MTMR8: variants seen among roughly 807,000 people sequenced by gnomAD.
MTMR8 encodes the protein myotubularin related protein 8.
In MTMR8, 65 loss-of-function variants were observed where a neutral mutation model predicts 39.3. That is an observed-to-expected ratio of 1.65 (90% CI 1.35 to 2.03). MTMR8 has a LOEUF of 2.03. MTMR8 is among the 30% of genes most tolerant of loss of function. The probability of loss-of-function intolerance (pLI) is 0.00; values close to 1 mark genes in which losing one functional copy is unlikely to be tolerated. For synonymous variants in MTMR8, 245 were observed against 185.2 expected (o/e 1.32, Z -2.62); for missense variants, 777 against 538.9 (o/e 1.44, Z -4.37).
chrX:64,304,174 C>A (rs922497531), intron 12 of MTMR8, among the ~76,000 whole-genome samples: 1 of 111,934 alleles, frequency 8.9e-6, no homozygotes, highest in Non-Finnish European at 1.9e-5. Context: ...TAAAAACTTA[C>A]AGGGGCGGGG....
chrX:64,268,885 G>A lies in MTMR8; in HGVS notation c.1767C>T (p.Ser589=), dbSNP rs1314357887. The A allele has an allele frequency of 3.3e-6, 4 of 1,211,608 alleles. No homozygotes were observed. Among genetic ancestry groups the A allele is most frequent in the Non-Finnish European group, 4.5e-6 (4 of 895,453 alleles). ...LNTLMENGTL[S]REGGLRAQMD... ...TCTGAGCTCGGAGGCCTCCTTCCCT[G>A]GATAGGGTGCCATTCTCCATCAGGG... is the stretch of plus-strand genomic sequence containing the variant. The change falls in exon 14 of 14, where the codon TCC becomes TCT. Residue 589 remains serine, a synonymous_variant. Transcript: ENST00000374852.
chrX:64,384,810 G>T (rs1389229684), intron 1 of MTMR8, among the ~76,000 whole-genome samples: 2 of 112,516 alleles, frequency 1.8e-5, no homozygotes, highest in African/African-American at 6.4e-5. Context: ...CTGCCATTAA[G>T]GTCTCTGAAA....
At chrX:64,368,151 G>A (rs1924028400) in intron 1 of MTMR8, among the ~76,000 whole-genome samples, 1 of 111,402 alleles carries the variant, frequency 9.0e-6, no homozygotes, top group Non-Finnish European at 1.9e-5. Flanking sequence ...TGGGTAGGAA[G>A]AATCAATATC....
Position 64,320,826 on chromosome X carries a change from G to A in MTMR8, c.1481+7946C>T, listed in dbSNP as rs1276230198. Among the ~76,000 whole-genome samples the A allele has an allele frequency of 2.9e-4, 32 of 111,419 alleles. No individual in the cohort carries two copies. The Admixed American group carries it at 3.0e-3, about 10-fold the overall frequency. On this transcript the variant is annotated intron_variant, in intron 12 of 13. Transcript: ENST00000374852. Reference sequence around the variant, plus strand: ...TTAAGCTCTACAGAAGCAGGACATGGCTAAAATATAAGTGGCCCAGCTAAG... The same window carrying A: ...TTAAGCTCTACAGAAGCAGGACATGACTAAAATATAAGTGGCCCAGCTAAG...
chrX:64,281,479 G>C (rs1034890684), intron 12 of MTMR8, among the ~76,000 whole-genome samples: 1 of 111,750 alleles, frequency 8.9e-6, no homozygotes, highest in African/African-American at 3.3e-5. Context: ...AAAAGGTGCT[G>C]GGAAAACTGG....
intron 12 of MTMR8, among the ~76,000 whole-genome samples, chrX:64,326,392 T>A (rs1212773721): frequency 8.9e-6 from 1 of 112,002 alleles, no homozygotes; most frequent in African/African-American, 3.2e-5. Context: ...AGTATTTTTA[T>A]ACATCAATAG....
intron 1 of MTMR8, among the ~76,000 whole-genome samples, chrX:64,382,928 G>C (rs1924467956): frequency 1.8e-5 from 2 of 111,198 alleles, no homozygotes; most frequent in South Asian, 7.6e-4. Context: ...TTCCCCAGGT[G>C]ATTCTAGTAT....
At chrX:64,390,476 G>T (rs954656124) in intron 1 of MTMR8, among the ~76,000 whole-genome samples, 3 of 111,606 alleles carry the variant, frequency 2.7e-5, no homozygotes, top group African/African-American at 9.8e-5. Flanking sequence ...ACAATTAAAA[G>T]ACAATGCTAC....
At chrX:64,365,710 C>A (rs1198117507) in intron 1 of MTMR8, among the ~76,000 whole-genome samples, 1 of 111,479 alleles carries the variant, frequency 9.0e-6, no homozygotes, top group East Asian at 2.8e-4. Flanking sequence ...AACTACCAAG[C>A]AAAATGACCA....
At chrX:64,273,287 A>G (rs1216154697) in intron 12 of MTMR8, among the ~76,000 whole-genome samples, 10 of 111,254 alleles carry the variant, frequency 9.0e-5, no homozygotes, top group Non-Finnish European at 1.7e-4. Context: ...AAACTTTGAC[A>G]TGAATAACAT....
intron 1 of MTMR8, among the ~76,000 whole-genome samples, chrX:64,390,742 C>A (rs1447559773): frequency 9.0e-6 from 1 of 111,133 alleles, no homozygotes; most frequent in Non-Finnish European, 1.9e-5. Context: ...GCCTCGACCT[C>A]CCAGATTCAA....
chrX:64,298,289 G>T (rs1921701666), intron 12 of MTMR8, among the ~76,000 whole-genome samples: 1 of 102,658 alleles, frequency 9.7e-6, no homozygotes, highest in South Asian at 4.6e-4. Context: ...CCTTGAAGAG[G>T]TCCTTCACAT....
intron 2 of MTMR8, among the ~76,000 whole-genome samples, chrX:64,358,309 C>A (rs958225090): frequency 2.7e-5 from 3 of 111,535 alleles, no homozygotes; most frequent in African/African-American, 9.8e-5. Context: ...ATTCTTATCA[C>A]AGCAAAAGGA....
intron 12 of MTMR8, among the ~76,000 whole-genome samples, chrX:64,281,925 C>CA (rs200794848): frequency 0.21 from 18,143 of 85,122 alleles, 1,601 homozygotes; most frequent in Middle Eastern, 0.34. Flanking sequence ...AGATACTTCT[C>CA]AAAAAAAAAA....
At chrX:64,354,105 CAAA>C (rs201097604) in intron 4 of MTMR8, among the ~76,000 whole-genome samples, 3 of 63,447 alleles carry the variant, frequency 4.7e-5, no homozygotes, top group African/African-American at 1.1e-4. Flanking sequence ...GTTGTAGGAG[CAAA>C]AAAAAAAAAA....
rs149704756 is a variant in MTMR8, at chrX:64,320,948, A to C, written c.1481+7824T>G. ...TTAAGGAAATCTCTGCGAAATCACT[A>C]TCTGAGAACTAAGCTAACTGACAGA... On this transcript the variant is annotated intron_variant, in intron 12 of 13. Transcript: ENST00000374852. Among the ~76,000 whole-genome samples, 447 of 112,040 alleles carry C rather than the reference A, an allele frequency of 4.0e-3. 1 individual carries two copies. Among genetic ancestry groups the C allele is most frequent in the African/African-American group, 0.014 (425 of 30,897 alleles).
intron 12 of MTMR8, among the ~76,000 whole-genome samples, chrX:64,285,191 G>T (rs1369197322): frequency 4.5e-5 from 5 of 111,429 alleles, no homozygotes; most frequent in African/African-American, 6.5e-5. Flanking sequence ...TGATAAAACA[G>T]ACTTTAAATC....
rs1030282774 is a variant in MTMR8, at chrX:64,300,968, C to T, written c.1481+27804G>A. 4.8e-4 allele frequency among the ~76,000 whole-genome samples: 52 copies of T among 108,604 alleles called. No homozygotes were observed. In the East Asian group the frequency reaches 0.014, roughly 28 times the overall value. 94.3% of individuals were successfully genotyped at this position (108,604 alleles called of 115,157 possible). On this transcript the variant is annotated intron_variant, in intron 12 of 13. Coordinates refer to ENST00000374852, the MANE Select transcript of MTMR8 (RefSeq NM_017677.4). ...TCCGCTGTTAGTCTGATGGGCTTCC[C>T]TTTGAGGGTAACCCGACCTTTCTCT... is the stretch of plus-strand genomic sequence containing the variant.
chrX:64,312,370 C>T (rs1211258501), intron 12 of MTMR8, among the ~76,000 whole-genome samples: 1 of 111,855 alleles, frequency 8.9e-6, no homozygotes, highest in Non-Finnish European at 1.9e-5. Flanking sequence ...TGAGACTTTG[C>T]TGAAGTTGCT....
Sources: gnomAD v4.1 joint callset for allele counts (sites outside exome capture counted in the v4.1 genomes callset) on GRCh38, gnomAD v4.1.1 for gene constraint, MANE v1.5 for transcripts, NCBI Gene and HGNC (gene_info 2026-07-23, HGNC 2026-07-21) for gene names.